COPS4: variants seen among roughly 807,000 people sequenced by gnomAD.
COPS4 encodes the protein COP9 signalosome subunit 4.
COPS4 carries 8 observed loss-of-function variants against 55.1 expected under a neutral mutation model. The observed-to-expected ratio is 0.15, with a 90% CI of 0.09 to 0.26. COPS4 has a LOEUF of 0.26. Among genes scored for constraint, COPS4 ranks in the 10% least tolerant of loss-of-function variants. The probability of loss-of-function intolerance (pLI) is 1.00; values close to 1 mark genes in which losing one functional copy is unlikely to be tolerated. For missense variants in COPS4, 248 were observed against 484.0 expected (o/e 0.51, Z 4.58); for synonymous variants, 185 against 165.7 (o/e 1.12, Z -0.90).
intron 4 of COPS4, among the ~76,000 whole-genome samples, chr4:83,050,354 G>A (rs1730859933): frequency 6.6e-6 from 1 of 152,062 alleles, no homozygotes; most frequent in African/African-American, 2.4e-5. Flanking sequence ...CTGGAGTGCA[G>A]TGGCATGATC....
intron 4 of COPS4, among the ~76,000 whole-genome samples, chr4:83,051,627 C>T (rs1452112556): frequency 6.6e-6 from 1 of 152,024 alleles, no homozygotes; most frequent in African/African-American, 2.4e-5. Context: ...TAGGGAATAT[C>T]AAGAGTTTCA....
intron 4 of COPS4, among the ~76,000 whole-genome samples, chr4:83,051,098 C>CAAAAAAAAA (rs536123309): frequency 9.7e-6 from 1 of 102,942 alleles, no homozygotes. Flanking sequence ...CCATCTCCAC[C>CAAAAAAAAA]AAAAAAAAAA....
intron 2 of COPS4, among the ~76,000 whole-genome samples, chr4:83,047,851 A>T (rs899350471): frequency 6.6e-6 from 1 of 152,038 alleles, no homozygotes; most frequent in African/African-American, 2.4e-5. Context: ...ATACAAAAAA[A>T]TCAGCTGGGC....
intron 9 of COPS4, 110 bp from the exon 10 acceptor site, chr4:83,075,187 G>A: frequency 1.1e-6 from 1 of 886,964 alleles, no homozygotes; most frequent in Non-Finnish European, 1.7e-6. Context: ...TATTTAAAAG[G>A]AACATGCCTC....
chr4:83,037,855 G>A (rs566800248), intron 1 of COPS4, among the ~76,000 whole-genome samples: 1 of 152,212 alleles, frequency 6.6e-6, no homozygotes, highest in African/African-American at 2.4e-5. Flanking sequence ...GCTAGAAAGG[G>A]GCAGTGCTTG....
In COPS4 at chr4:83,058,488, A is replaced by C. The variant is rs192751006; in HGVS notation, c.715+1080A>C. Among the ~76,000 whole-genome samples, 91 of 152,250 alleles carry C rather than the reference A, an allele frequency of 6.0e-4. 1 individual carries two copies. The East Asian group carries it at 0.014, about 23-fold the overall frequency. On this transcript the variant is annotated intron_variant, in intron 6 of 9. Coordinates refer to ENST00000264389, the MANE Select transcript of COPS4 (RefSeq NM_016129.3). ...TCTGCCTTGGCCTCCCAAAGTGCTG[A>C]GATTACAGGTGTGAGCCACCACGTC...
intron 6 of COPS4, among the ~76,000 whole-genome samples, chr4:83,057,779 G>A (rs561186703): frequency 1.3e-5 from 2 of 151,820 alleles, no homozygotes; most frequent in African/African-American, 2.4e-5. Context: ...AAAATTAGCC[G>A]GGCGTGGTGG....
chr4:83,059,587 A>G (rs1207143239), intron 6 of COPS4, among the ~76,000 whole-genome samples: 1 of 151,764 alleles, frequency 6.6e-6, no homozygotes, highest in African/African-American at 2.4e-5. Context: ...AAACAATTAT[A>G]TTTTTCCAAA....
intron 3 of COPS4, 151 bp from the exon 4 acceptor site, chr4:83,049,730 C>T (rs1389832127): frequency 2.0e-5 from 11 of 548,962 alleles, no homozygotes; most frequent in Admixed American, 3.5e-5. Context: ...ATGCAAAATT[C>T]GTAGGAAAAC....
chr4:83,075,708 G>C lies in COPS4; in HGVS notation c.*278G>C, dbSNP rs1297292020. On this transcript the variant is annotated 3_prime_UTR_variant, in exon 10 of 10. Transcript: ENST00000264389. Reference sequence around the variant, plus strand: ...TCTGTGGCTAAAAAGTTTGAGATTTGTGATAACTTTGTAGTCATGTAAAAC... The same window carrying C: ...TCTGTGGCTAAAAAGTTTGAGATTTCTGATAACTTTGTAGTCATGTAAAAC... 7.1e-6 allele frequency: 2 copies of C among 280,256 alleles called. No individual in the cohort carries two copies. The highest frequency in any genetic ancestry group is 1.3e-5 in the Non-Finnish European group (2 of 151,080). 17.4% of individuals were successfully genotyped at this position (280,256 alleles called of 1,614,324 possible).
At chr4:83,047,094 A>G (rs970196322) in intron 2 of COPS4, among the ~76,000 whole-genome samples, 3 of 152,216 alleles carry the variant, frequency 2.0e-5, no homozygotes, top group Non-Finnish European at 4.4e-5. Flanking sequence ...CTGCCTTAAA[A>G]AGTTACTGCC....
intron 6 of COPS4, among the ~76,000 whole-genome samples, chr4:83,059,277 T>A (rs1731098639): frequency 6.6e-6 from 1 of 152,182 alleles, no homozygotes; most frequent in South Asian, 2.1e-4. Context: ...TTATTAATCT[T>A]TCTTTAATGG....
intron 8 of COPS4, 70 bp from the exon 9 acceptor site, chr4:83,068,368 G>C (rs961760726): frequency 1.9e-6 from 2 of 1,046,760 alleles, no homozygotes; most frequent in Non-Finnish European, 2.9e-6. Context: ...GAAGCTTTCT[G>C]TTCTCTTTTC....
intron 4 of COPS4, among the ~76,000 whole-genome samples, chr4:83,052,185 AAGGT>A (rs986814334): frequency 2.0e-5 from 3 of 152,194 alleles, no homozygotes; most frequent in East Asian, 1.9e-4. Flanking sequence ...GTTTTCAAAA[AAGGT>A]AGGAAGAAAA....
At chr4:83,045,924 G>T (rs2126128699) in intron 2 of COPS4, among the ~76,000 whole-genome samples, 1 of 152,240 alleles carries the variant, frequency 6.6e-6, no homozygotes, top group South Asian at 2.1e-4. Flanking sequence ...TATAATAGCT[G>T]ATAAGGGACA....
intron 1 of COPS4, among the ~76,000 whole-genome samples, chr4:83,042,201 T>C (rs982182218): frequency 6.6e-6 from 1 of 152,204 alleles, no homozygotes; most frequent in African/African-American, 2.4e-5. Context: ...TAACTTTTTA[T>C]TTTTAATCTT....
intron 8 of COPS4, among the ~76,000 whole-genome samples, chr4:83,068,139 T>C (rs1232800627): frequency 2.6e-5 from 4 of 152,160 alleles, no homozygotes; most frequent in Admixed American, 6.6e-5. Flanking sequence ...TTTTGAGGTA[T>C]GGATCCTAGT....
intron 4 of COPS4, among the ~76,000 whole-genome samples, chr4:83,055,479 T>C (rs1401392295): frequency 6.6e-6 from 1 of 151,380 alleles, no homozygotes; most frequent in Non-Finnish European, 1.5e-5. Flanking sequence ...AGTCTCACTC[T>C]GTTGCCCAGG....
chr4:83,059,944 G>C (rs573746690), intron 6 of COPS4, among the ~76,000 whole-genome samples: 1 of 151,858 alleles, frequency 6.6e-6, no homozygotes, highest in African/African-American at 2.4e-5. Flanking sequence ...CTTGTGATCC[G>C]CCCTCCTCCG....
Sources: allele counts gnomAD v4.1 joint callset (sites outside exome capture counted in the v4.1 genomes callset), GRCh38; gene constraint gnomAD v4.1.1; transcripts MANE v1.5; gene names NCBI Gene and HGNC (gene_info 2026-07-23, HGNC 2026-07-21).